ZBTB43: variants seen among roughly 807,000 people sequenced by gnomAD.
ZBTB43 encodes zinc finger and BTB domain-containing protein 43.
In ZBTB43, 6 loss-of-function variants were observed where a neutral mutation model predicts 31.1. The observed-to-expected ratio is 0.19, with a 90% CI of 0.11 to 0.38. The LOEUF (loss-of-function observed/expected upper bound fraction) is 0.38, where lower values mean the gene tolerates loss of function less well. ZBTB43 is among the 10% of genes least tolerant of loss of function. ZBTB43 has a pLI of 1.00. For missense variants in ZBTB43, 379 were observed against 602.1 expected (o/e 0.63, Z 3.88); for synonymous variants, 212 against 221.7 (o/e 0.96, Z 0.39).
intron 2 of ZBTB43, among the ~76,000 whole-genome samples, chr9:126,814,515 C>T (rs1201455742): frequency 2.0e-5 from 3 of 151,410 alleles, no homozygotes; most frequent in East Asian, 1.9e-4. Flanking sequence ...TATTTTGGGC[C>T]GGGCGCGGTG....
intron 2 of ZBTB43, among the ~76,000 whole-genome samples, chr9:126,821,874 C>CT (rs1410055480): frequency 6.6e-6 from 1 of 151,720 alleles, no homozygotes; most frequent in Non-Finnish European, 1.5e-5. Flanking sequence ...GATTTTTTTT[C>CT]TTTTTTTGAG....
chr9:126,833,975 T>C lies in ZBTB43; in HGVS notation c.*62T>C. 6.8e-7 allele frequency: 1 copy of C among 1,470,888 alleles called. No individual in the cohort carries two copies. Among genetic ancestry groups the C allele is most frequent in the South Asian group, 1.5e-5 (1 of 67,470 alleles). The allele number at this position is 1,470,888 out of a possible 1,614,324, so 91.1% of individuals were successfully genotyped here. A position where few individuals can be genotyped will look rare whatever the true frequency, so the allele number is the denominator to read the frequency against. ...TAAACTATGGTAATTAATGCAAATC[T>C]GGGCACAGATGATGCGTGCTACTTG... On this transcript the variant is annotated 3_prime_UTR_variant, in exon 3 of 3. Coordinates refer to ENST00000373464, the MANE Select transcript of ZBTB43 (RefSeq NM_014007.4). The surrounding 1 kb of genome is among the most constrained non-coding windows in gnomAD (Gnocchi z 7.9).
Position 126,833,409 on chromosome 9 carries a change from T to C in ZBTB43, c.900T>C (p.Ala300=). 10 of 1,614,070 alleles carry C rather than the reference T, an allele frequency of 6.2e-6. No homozygotes were observed. The highest frequency in any genetic ancestry group is 8.5e-6 in the Non-Finnish European group (10 of 1,180,010). Residue 300 remains alanine, a synonymous_variant, in exon 3 of 3, where the codon GCT becomes GCC. Transcript: ENST00000373464. The surrounding 1 kb of genome is among the most constrained non-coding windows in gnomAD (Gnocchi z 7.9). ...ACATCGGGGAGAAGAAAGTGGAAGC[T>C]GAGTTTGATGAACAGGCTGATGAAA... ...DFHIGEKKVE[A]EFDEQADESN... is the part of the protein sequence containing the mutation.
At chr9:126,804,826 C>G (rs192700223), upstream of ZBTB43, among the ~76,000 whole-genome samples, 1 of 152,308 alleles carries the variant, frequency 6.6e-6, no homozygotes, top group East Asian at 1.9e-4. Context: ...AGTATCTGCT[C>G]CCCTATTTTC....
chr9:126,815,471 C>T (rs909821437), intron 2 of ZBTB43, among the ~76,000 whole-genome samples: 1 of 150,860 alleles, frequency 6.6e-6, no homozygotes, highest in African/African-American at 2.4e-5. Flanking sequence ...TCACAGCTCA[C>T]TGATACTCTA....
In ZBTB43 at chr9:126,837,544, G is replaced by C. The variant is rs2032908217; in HGVS notation, c.*3631G>C. On this transcript the variant is annotated 3_prime_UTR_variant, in exon 3 of 3. Coordinates refer to ENST00000373464, the MANE Select transcript of ZBTB43 (RefSeq NM_014007.4). ...GGAAGGGGATGTGCTGCGGCCTCCTGGGTGGGCGTGGAGAGGGCGCCATCA... is the reference window on the plus strand; with the variant it reads ...GGAAGGGGATGTGCTGCGGCCTCCTCGGTGGGCGTGGAGAGGGCGCCATCA... 2 of 167,124 alleles carry C rather than the reference G, an allele frequency of 1.2e-5. No individual in the cohort carries two copies. The highest frequency in any genetic ancestry group is 4.8e-5 in the African/African-American group (2 of 41,454). The allele number at this position is 167,124 out of a possible 1,614,324, so 10.4% of individuals were successfully genotyped here.
chr9:126,810,067 C>A (rs1483130202), intron 2 of ZBTB43, among the ~76,000 whole-genome samples: 1 of 152,156 alleles, frequency 6.6e-6, no homozygotes, highest in East Asian at 1.9e-4. Flanking sequence ...GAACTCCTGA[C>A]CTTGTGATCC....
upstream of ZBTB43, among the ~76,000 whole-genome samples, chr9:126,804,135 C>T (rs2119095172): frequency 6.6e-6 from 1 of 152,204 alleles, no homozygotes; most frequent in Middle Eastern, 3.4e-3. Flanking sequence ...AGAGTCCCAC[C>T]GCTAAAGACC....
chr9:126,816,019 T>C (rs1262755810), intron 2 of ZBTB43, among the ~76,000 whole-genome samples: 1 of 152,232 alleles, frequency 6.6e-6, no homozygotes, highest in Admixed American at 6.5e-5. Context: ...GGACCAGAAC[T>C]GCATTTTGTC....
At chr9:126,804,895 C>G (rs949782346), upstream of ZBTB43, 2 of 152,632 alleles carry the variant, frequency 1.3e-5, no homozygotes, top group Non-Finnish European at 2.9e-5. Context: ...CAGGCGCCCG[C>G]TACCTCCGCG....
chr9:126,812,179 T>G (rs181831022), intron 2 of ZBTB43, among the ~76,000 whole-genome samples: 32 of 152,320 alleles, frequency 2.1e-4, no homozygotes, highest in Non-Finnish European at 3.1e-4. Flanking sequence ...TACGGCCTTT[T>G]GTGTCCGACC....
intron 2 of ZBTB43, among the ~76,000 whole-genome samples, chr9:126,810,375 G>A (rs370693910): frequency 1.1e-4 from 17 of 150,782 alleles, no homozygotes; most frequent in African/African-American, 3.9e-4. Flanking sequence ...TGTATTTTTA[G>A]TAGAGACAGG....
At chr9:126,831,542 A>G (rs1025787403) in intron 2 of ZBTB43, 10 of 152,012 alleles carry the variant, frequency 6.6e-5, no homozygotes, top group Admixed American at 2.0e-4. Context: ...GTTCATGCCT[A>G]TAATCCCAAC....
chr9:126,832,362 A>G (rs1455436400), intron 2 of ZBTB43, 125 bp from the exon 3 acceptor site: 1 of 872,424 alleles, frequency 1.1e-6, no homozygotes, highest in East Asian at 2.7e-5. Flanking sequence ...TGAATCCCTT[A>G]CCCAGTGGGG....
At chr9:126,814,311 ATTTACATCTGTAAAATGTAAAT>A (rs1268093994) in intron 2 of ZBTB43, among the ~76,000 whole-genome samples, 13 of 151,936 alleles carry the variant, frequency 8.6e-5, no homozygotes, top group East Asian at 1.9e-4. Flanking sequence ...TACAGATGAA[ATTTACATCTGTAAAATGTAAAT>A]TTTACATCTG....
At chr9:126,808,750 C>T (rs1196924082) in intron 1 of ZBTB43, 43 bp from the exon 2 acceptor site, 1 of 152,160 alleles carries the variant, frequency 6.6e-6, no homozygotes, top group Non-Finnish European at 1.5e-5. Flanking sequence ...TACACGTGTA[C>T]ATAGCATCTC....
At chr9:126,812,989 C>CT (rs2032282129) in intron 2 of ZBTB43, among the ~76,000 whole-genome samples, 3 of 133,420 alleles carry the variant, frequency 2.2e-5, no homozygotes, top group South Asian at 2.3e-4. Flanking sequence ...TTTTTTTTTT[C>CT]TTTTTTTTGA....
intron 2 of ZBTB43, among the ~76,000 whole-genome samples, chr9:126,819,956 C>T (rs551390001): frequency 2.0e-5 from 3 of 152,228 alleles, no homozygotes; most frequent in South Asian, 2.1e-4. Flanking sequence ...AAGCCAAAGC[C>T]GTCAGAAGAA....
Position 126,833,170 on chromosome 9 carries a change from G to A in ZBTB43, c.661G>A (p.Asp221Asn), listed in dbSNP as rs747400108. 25 of 1,613,804 alleles carry A rather than the reference G, an allele frequency of 1.5e-5. No homozygotes were observed. The highest frequency in any genetic ancestry group is 2.2e-5 in the East Asian group (1 of 44,870). Residue 221 changes from aspartate (D) to asparagine (N), a missense_variant, in exon 3 of 3, where the codon GAC becomes AAC. Asp to Asn is a conservative substitution (Grantham distance 23). Coordinates refer to ENST00000373464, the MANE Select transcript of ZBTB43 (RefSeq NM_014007.4). The surrounding 1 kb of genome is among the most constrained non-coding windows in gnomAD (Gnocchi z 7.9). Reference protein sequence around the residue: ...ASQDGEEGASDSAEFHYTRPM... With the variant: ...ASQDGEEGASNSAEFHYTRPM... The stretch of plus-strand genomic sequence containing the variant: ...CCAGGATGGGGAGGAGGGCGCCAGC[G>A]ACAGCGCCGAGTTCCACTACACCCG...
Sources: gnomAD v4.1 joint callset for allele counts (sites outside exome capture counted in the v4.1 genomes callset) on GRCh38, gnomAD v4.1.1 for gene constraint, Gnocchi (gnomAD v3.1) non-coding constraint, MANE v1.5 for transcripts, NCBI Gene and HGNC (gene_info 2026-07-23, HGNC 2026-07-21) for gene names.